The following PCDH11X variants were observed in gnomAD, a reference collection of about 807,000 sequenced individuals.
PCDH11X encodes the protein protocadherin 11 X-linked, also known as protocadherin-11 X-linked.
A neutral mutation model predicts 53.3 loss-of-function variants in PCDH11X; 18 were observed. That is an observed-to-expected ratio of 0.34 (90% CI 0.23 to 0.50). The LOEUF is 0.50. PCDH11X is among the 20% of genes least tolerant of loss of function. The probability of loss-of-function intolerance (pLI) is 0.98; values close to 1 mark genes in which losing one functional copy is unlikely to be tolerated. For missense variants in PCDH11X, 570 were observed against 1,032.4 expected (o/e 0.55, Z 6.14); for synonymous variants, 279 against 393.3 (o/e 0.71, Z 3.44).
intron 7 of PCDH11X, among the ~76,000 whole-genome samples, chrX:92,259,538 G>T: frequency 9.0e-6 from 1 of 111,213 alleles, no homozygotes; most frequent in Non-Finnish European, 1.9e-5. Flanking sequence ...TGCACTGAGG[G>T]GATGGTGCTA....
chrX:92,276,405 A>T (rs762052086), intron 8 of PCDH11X, among the ~76,000 whole-genome samples: 5 of 109,830 alleles, frequency 4.6e-5, no homozygotes, highest in Admixed American at 3.9e-4. Context: ...AGTGGCTGCC[A>T]GGTGAGTTGA....
At chrX:92,204,768 G>T (rs1024334408) in intron 7 of PCDH11X, among the ~76,000 whole-genome samples, 59 of 111,952 alleles carry the variant, frequency 5.3e-4, no homozygotes, top group African/African-American at 1.9e-3. Context: ...AAATACCCGA[G>T]ACTGGGTAAT....
chrX:92,072,110 CT>C (rs1454905084), intron 6 of PCDH11X, among the ~76,000 whole-genome samples: 1 of 110,544 alleles, frequency 9.0e-6, no homozygotes, highest in Non-Finnish European at 1.9e-5. Context: ...CAGGCCACCG[CT>C]TATGTTCCCT....
intron 6 of PCDH11X, among the ~76,000 whole-genome samples, chrX:92,024,632 T>A (rs1450048044): frequency 3.8e-5 from 4 of 104,829 alleles, no homozygotes; most frequent in African/African-American, 1.0e-4. Flanking sequence ...TAAACTACCA[T>A]TGACATTCTT....
rs113939312 is a variant in PCDH11X, at chrX:92,520,506, A to T, written c.3367+52184A>T. 5.2e-5 allele frequency among the ~76,000 whole-genome samples: 5 copies of T among 95,498 alleles called. No individual in the cohort carries two copies. The East Asian group carries it at 1.0e-3, about 20-fold the overall frequency. The allele number at this position is 95,498 out of a possible 115,157, so 82.9% of individuals were successfully genotyped here. On this transcript the variant is annotated intron_variant, in intron 10 of 10. Coordinates refer to ENST00000682573, the MANE Select transcript of PCDH11X (RefSeq NM_032968.5). ...TTTTTTTTTTTTTTGTAGAAACAGGATTTTGCCATGTTGCCCAGGCTGGTA... is the reference window on the plus strand; with the variant it reads ...TTTTTTTTTTTTTTGTAGAAACAGGTTTTTGCCATGTTGCCCAGGCTGGTA...
chrX:92,336,613 T>C (rs1308815283), intron 8 of PCDH11X, among the ~76,000 whole-genome samples: 2 of 111,666 alleles, frequency 1.8e-5, no homozygotes, highest in East Asian at 5.6e-4. Flanking sequence ...TGTGAATCCA[T>C]TGATTTTTGC....
At chrX:92,359,540 A>T (rs2070295894) in intron 8 of PCDH11X, among the ~76,000 whole-genome samples, 1 of 111,098 alleles carries the variant, frequency 9.0e-6, no homozygotes, top group Admixed American at 9.6e-5. Context: ...TCAGTGAATC[A>T]AAAGCCAGTG....
intron 6 of PCDH11X, among the ~76,000 whole-genome samples, chrX:91,891,554 A>G (rs1483952456): frequency 1.0e-5 from 1 of 99,311 alleles, no homozygotes; most frequent in Non-Finnish European, 2.0e-5. Flanking sequence ...AGTCATATTT[A>G]CTAAAGTTTT....
intron 6 of PCDH11X, among the ~76,000 whole-genome samples, chrX:92,156,247 C>T (rs12392250): frequency 0.039 from 4,299 of 109,780 alleles, 178 homozygotes; most frequent in African/African-American, 0.11. Context: ...TATCCGCCCC[C>T]CCATTCCTTG....
chrX:91,924,701 A>G (rs112818901), intron 6 of PCDH11X, among the ~76,000 whole-genome samples: 1,541 of 110,837 alleles, frequency 0.014, 36 homozygotes, highest in African/African-American at 0.049. Flanking sequence ...TTTTTGTGGG[A>G]CTTTACTTGG....
chrX:92,277,816 G>A (rs768443573), intron 8 of PCDH11X, among the ~76,000 whole-genome samples: 130 of 110,633 alleles, frequency 1.2e-3, no homozygotes, highest in African/African-American at 4.1e-3. Flanking sequence ...GGGGTTGAAG[G>A]GTACTTGCCC....
intron 6 of PCDH11X, among the ~76,000 whole-genome samples, chrX:92,008,689 A>G (rs1352285252): frequency 9.2e-6 from 1 of 108,238 alleles, no homozygotes; most frequent in Non-Finnish European, 1.9e-5. Flanking sequence ...GGGGGCAACT[A>G]TAGGTAGAGC....
At chrX:92,105,397 C>T (rs775092990) in intron 6 of PCDH11X, among the ~76,000 whole-genome samples, 2 of 110,517 alleles carry the variant, frequency 1.8e-5, no homozygotes, top group South Asian at 7.7e-4. Flanking sequence ...GGATTGATCT[C>T]CCAAGGGAGG....
chrX:92,327,617 A>AC (rs1569465796), intron 8 of PCDH11X, among the ~76,000 whole-genome samples: 1 of 106,471 alleles, frequency 9.4e-6, no homozygotes, highest in African/African-American at 3.5e-5. Flanking sequence ...TTTTATCCTG[A>AC]CTTTTTCAGA....
At chrX:92,216,214 T>C (rs1425458609) in intron 7 of PCDH11X, among the ~76,000 whole-genome samples, 1 of 110,701 alleles carries the variant, frequency 9.0e-6, no homozygotes, top group Non-Finnish European at 1.9e-5. Context: ...AGAATGACTT[T>C]GACGAGCTGA....
chrX:92,094,593 C>T (rs1328886692), intron 6 of PCDH11X, among the ~76,000 whole-genome samples: 1 of 111,167 alleles, frequency 9.0e-6, no homozygotes. Context: ...TCATTTTATA[C>T]ACTAGGACAA....
At chrX:92,257,258 C>A in intron 7 of PCDH11X, among the ~76,000 whole-genome samples, 1 of 111,144 alleles carries the variant, frequency 9.0e-6, no homozygotes. Flanking sequence ...GAGAACTCCA[C>A]CCCCATGATC....
At chrX:92,358,857 C>T (rs1291409692) in intron 8 of PCDH11X, among the ~76,000 whole-genome samples, 1 of 110,167 alleles carries the variant, frequency 9.1e-6, no homozygotes, top group Non-Finnish European at 1.9e-5. Context: ...AAGGAACTTG[C>T]TTATAGGAAG....
At chrX:92,085,553 T>C (rs1157204111) in intron 6 of PCDH11X, among the ~76,000 whole-genome samples, 1 of 105,454 alleles carries the variant, frequency 9.5e-6, no homozygotes, top group African/African-American at 3.5e-5. Context: ...CTGCCATTAC[T>C]GAACAGTATG....
Sources: allele counts gnomAD v4.1 joint callset (sites outside exome capture counted in the v4.1 genomes callset), GRCh38; gene constraint gnomAD v4.1.1; transcripts MANE v1.5; gene names NCBI Gene and HGNC (gene_info 2026-07-23, HGNC 2026-07-21).